CACNA1C: variants seen among roughly 807,000 people sequenced by gnomAD.
The protein encoded by CACNA1C is voltage-dependent L-type calcium channel subunit alpha-1C.
Under a neutral mutation model 229.0 loss-of-function variants are expected in CACNA1C, and 30 were observed. The observed-to-expected ratio is 0.13, with a 90% CI of 0.10 to 0.18. The LOEUF (loss-of-function observed/expected upper bound fraction) is 0.18, where lower values mean the gene tolerates loss of function less well. CACNA1C is among the 10% of genes least tolerant of loss of function. The probability of loss-of-function intolerance (pLI) is 1.00; values close to 1 mark genes in which losing one functional copy is unlikely to be tolerated. For synonymous variants in CACNA1C, 1,114 were observed against 1,132.5 expected, an observed-to-expected ratio of 0.98 and a Z score of 0.33; for missense variants, 1,658 against 2,845.0, an observed-to-expected ratio of 0.58 and a Z score of 9.49.
intron 3 of CACNA1C, among the ~76,000 whole-genome samples, chr12:2,252,067 A>G (rs76102520): frequency 0.045 from 6,786 of 152,310 alleles, 180 homozygotes; most frequent in Middle Eastern, 0.071. Flanking sequence ...AGCCCACTCC[A>G]TGTCTGTCCT....
intron 3 of CACNA1C, among the ~76,000 whole-genome samples, chr12:2,244,318 T>C (rs147771457): frequency 1.3e-5 from 2 of 152,328 alleles, no homozygotes; most frequent in African/African-American, 4.8e-5. Flanking sequence ...GAATGCGGTG[T>C]TGACTCATGG....
intron 3 of CACNA1C, among the ~76,000 whole-genome samples, chr12:2,324,115 C>T (rs914126629): frequency 6.6e-6 from 1 of 152,192 alleles, no homozygotes; most frequent in African/African-American, 2.4e-5. Flanking sequence ...TCAATCCTTC[C>T]CTTCAAGTCT....
At chr12:2,574,979 AC>A (rs1453895413) in intron 13 of CACNA1C, among the ~76,000 whole-genome samples, 1 of 152,198 alleles carries the variant, frequency 6.6e-6, no homozygotes, top group African/African-American at 2.4e-5. Flanking sequence ...CCCTGACACA[AC>A]TGTGGTTGGA....
chr12:2,496,571 G>A (rs999528323), intron 7 of CACNA1C, among the ~76,000 whole-genome samples: 2 of 152,192 alleles, frequency 1.3e-5, no homozygotes, highest in African/African-American at 4.8e-5. Flanking sequence ...GGATGATACA[G>A]TATCTTTCTC....
intron 3 of CACNA1C, among the ~76,000 whole-genome samples, chr12:2,226,276 C>A (rs1284389771): frequency 6.6e-6 from 1 of 152,074 alleles, no homozygotes; most frequent in African/African-American, 2.4e-5. Context: ...CTGATTTGAT[C>A]TCATTTGACA....
intron 9 of CACNA1C, among the ~76,000 whole-genome samples, chr12:2,543,696 A>T (rs566017712): frequency 1.3e-5 from 2 of 152,346 alleles, no homozygotes; most frequent in East Asian, 3.9e-4. Context: ...TCTGAGACTT[A>T]TGTGAACCAT....
At chr12:2,533,266 C>T (rs1167555899) in intron 9 of CACNA1C, among the ~76,000 whole-genome samples, 1 of 152,184 alleles carries the variant, frequency 6.6e-6, no homozygotes, top group African/African-American at 2.4e-5. Context: ...GCATGAAAAC[C>T]ACTGCTCACC....
intron 1 of CACNA1C, among the ~76,000 whole-genome samples, chr12:2,066,375 G>A (rs2059280775): frequency 6.6e-6 from 1 of 152,146 alleles, no homozygotes; most frequent in Non-Finnish European, 1.5e-5. Context: ...TAAAATGGAG[G>A]AGACAATGAC....
intron 13 of CACNA1C, among the ~76,000 whole-genome samples, chr12:2,580,764 C>T (rs2060197348): frequency 6.6e-6 from 1 of 152,322 alleles, no homozygotes; most frequent in East Asian, 1.9e-4. Flanking sequence ...AAGCCCATGT[C>T]CCCTCAGGAC....
At chr12:2,682,010 G>T in intron 42 of CACNA1C, 1 of 1,612,158 alleles carries the variant, frequency 6.2e-7, no homozygotes. Flanking sequence ...GCTCAGCAGG[G>T]ACTCAGGCTC....
chr12:2,573,984 G>A (rs931807070), intron 13 of CACNA1C, among the ~76,000 whole-genome samples: 8 of 152,120 alleles, frequency 5.3e-5, no homozygotes, highest in African/African-American at 1.9e-4. Context: ...GAACACCTTA[G>A]GGAGTATGCT....
At chr12:2,139,129 T>A (rs896245129) in intron 3 of CACNA1C, among the ~76,000 whole-genome samples, 1 of 151,180 alleles carries the variant, frequency 6.6e-6, no homozygotes, top group Non-Finnish European at 1.5e-5. Flanking sequence ...CAGGTGTTAG[T>A]AGCATTGGTT....
chr12:2,120,657 T>TGTGC (rs1491139580), intron 3 of CACNA1C, among the ~76,000 whole-genome samples: 1 of 10,130 alleles, frequency 9.9e-5, no homozygotes, highest in Admixed American at 1.3e-3. Context: ...TGGTGAGCTC[T>TGTGC]GTGTGTGTGT....
At chr12:2,615,601 C>CT (rs397807374) in intron 29 of CACNA1C, among the ~76,000 whole-genome samples, 5 of 12,038 alleles carry the variant, frequency 4.2e-4, no homozygotes, top group Non-Finnish European at 2.3e-3. Context: ...GGGAGCCACA[C>CT]GTAAATCCTT....
intron 10 of CACNA1C, among the ~76,000 whole-genome samples, chr12:2,553,515 C>T (rs2042441538): frequency 6.6e-6 from 1 of 152,288 alleles, no homozygotes; most frequent in African/African-American, 2.4e-5. Context: ...AGTGAGTCGT[C>T]GAGAGGATGC....
intron 3 of CACNA1C, among the ~76,000 whole-genome samples, chr12:2,245,426 G>A (rs1399050987): frequency 1.3e-5 from 2 of 152,188 alleles, no homozygotes; most frequent in South Asian, 2.1e-4. Flanking sequence ...TGTGTTTCAG[G>A]TGCTTTATAA....
intron 1 of CACNA1C, among the ~76,000 whole-genome samples, chr12:2,094,732 G>A (rs1408891139): frequency 2.0e-5 from 3 of 152,136 alleles, no homozygotes; most frequent in African/African-American, 7.2e-5. Flanking sequence ...AAGAGGGAGA[G>A]CCGACCAGGA....
chr12:2,583,008 C>A, intron 15 of CACNA1C, 66 bp downstream of exon 15: 1 of 1,218,690 alleles, frequency 8.2e-7, no homozygotes, highest in Non-Finnish European at 1.2e-6. Flanking sequence ...CAGTGCCAAA[C>A]GGGCACGCCC....
At chr12:2,248,605 C>T (rs1170965026) in intron 3 of CACNA1C, among the ~76,000 whole-genome samples, 1 of 152,216 alleles carries the variant, frequency 6.6e-6, no homozygotes, top group African/African-American at 2.4e-5. Context: ...TCCTGTCTTC[C>T]TGGGGGTGAT....
Sources: gnomAD v4.1 joint callset for allele counts (sites outside exome capture counted in the v4.1 genomes callset) on GRCh38, gnomAD v4.1.1 for gene constraint, MANE v1.5 for transcripts, NCBI Gene and HGNC (gene_info 2026-07-23, HGNC 2026-07-21) for gene names.